Variants in PDS5B observed in about 807,000 individuals in gnomAD.
The protein encoded by PDS5B is sister chromatid cohesion protein PDS5 homolog B.
In PDS5B, 51 loss-of-function variants were observed where a neutral mutation model predicts 184.1. The ratio of observed to expected loss-of-function variants is 0.28; its 90% CI spans 0.22 to 0.35. The LOEUF is 0.35. Ranked by LOEUF, PDS5B falls within the 10% of genes least tolerant of loss-of-function variation. The probability of loss-of-function intolerance (pLI) is 1.00; values close to 1 mark genes in which losing one functional copy is unlikely to be tolerated. For missense variants in PDS5B, 1,180 were observed against 1,723.3 expected, an observed-to-expected ratio of 0.68 and a Z score of 5.58; for synonymous variants, 566 against 569.2, an observed-to-expected ratio of 0.99 and a Z score of 0.08.
intron 8 of PDS5B, among the ~76,000 whole-genome samples, chr13:32,674,938 C>G (rs982958013): frequency 7.1e-6 from 1 of 140,302 alleles, no homozygotes; most frequent in Non-Finnish European, 1.6e-5. Context: ...TTTTTTTGTT[C>G]TTCTTATTTT....
Position 32,770,375 on chromosome 13 carries a change from A to G in PDS5B, c.3879A>G (p.Pro1293=). ...SPPKKGKRGR[P]PKPLGGGTPK... ...CAAAAAAGGGTAAAAGAGGCCGACC[A>G]CCAAAACCTCTTGGTGGAGGTACAC... Residue 1293 remains proline, a synonymous_variant, in exon 32 of 35, where the codon CCA becomes CCG. Coordinates refer to ENST00000315596, the MANE Select transcript of PDS5B (RefSeq NM_015032.4). 6.2e-7 allele frequency: 1 copy of G among 1,613,676 alleles called. No individual in the cohort carries two copies. The highest frequency in any genetic ancestry group is 1.1e-5 in the South Asian group (1 of 90,986).
chr13:32,627,131 T>C (rs939179503), intron 1 of PDS5B, among the ~76,000 whole-genome samples: 1 of 152,226 alleles, frequency 6.6e-6, no homozygotes, highest in Non-Finnish European at 1.5e-5. Flanking sequence ...CTGATAAGCT[T>C]ACCTGGTGTC....
At chr13:32,767,031 A>G (rs889573167) in intron 31 of PDS5B, among the ~76,000 whole-genome samples, 1 of 152,192 alleles carries the variant, frequency 6.6e-6, no homozygotes, top group Non-Finnish European at 1.5e-5. Context: ...CTCTAAATAA[A>G]TAAAACAAAC....
At chr13:32,726,997 T>C (rs28637641) in intron 19 of PDS5B, among the ~76,000 whole-genome samples, 47,060 of 152,088 alleles carry the variant, frequency 0.31, 9,267 homozygotes, top group Non-Finnish European at 0.44. Context: ...TTGTTTGCTT[T>C]TATATTGGTT....
intron 31 of PDS5B, among the ~76,000 whole-genome samples, chr13:32,766,231 A>G (rs1343838360): frequency 6.6e-6 from 1 of 152,076 alleles, no homozygotes; most frequent in East Asian, 1.9e-4. Context: ...AGTGTACTAC[A>G]CTTATACCTT....
At chr13:32,711,508 C>T (rs1210513385) in intron 19 of PDS5B, among the ~76,000 whole-genome samples, 1 of 151,902 alleles carries the variant, frequency 6.6e-6, no homozygotes, top group Non-Finnish European at 1.5e-5. Flanking sequence ...CAGGCCTGCA[C>T]CACCACACCT....
chr13:32,655,381 T>A (rs1280389282), intron 3 of PDS5B, among the ~76,000 whole-genome samples: 22,542 of 79,690 alleles, frequency 0.28, 4,769 homozygotes, highest in Non-Finnish European at 0.38. Context: ...TATATTTTTT[T>A]TTTTTTTTTT....
chr13:32,632,652 G>T (rs1441295432), intron 1 of PDS5B, among the ~76,000 whole-genome samples: 1 of 152,200 alleles, frequency 6.6e-6, no homozygotes, highest in Non-Finnish European at 1.5e-5. Context: ...CTAGCTGTGT[G>T]CTGAAAAGAT....
At chr13:32,679,117 G>A (rs976268361) in intron 10 of PDS5B, among the ~76,000 whole-genome samples, 188 bp downstream of exon 10, 1 of 149,682 alleles carries the variant, frequency 6.7e-6, no homozygotes, top group Admixed American at 6.7e-5. Context: ...ACAAGGTCTC[G>A]CTATGTTGCC....
chr13:32,595,411 CCATTT>C (rs1304588670), intron 1 of PDS5B, among the ~76,000 whole-genome samples: 1 of 152,086 alleles, frequency 6.6e-6, no homozygotes, highest in African/African-American at 2.4e-5. Context: ...CATTCCTTCC[CCATTT>C]GCCTCATTCC....
At chr13:32,655,374 A>ATATATATTTTTTTTTTTTTTTTTT in intron 3 of PDS5B, among the ~76,000 whole-genome samples, 1 of 72,464 alleles carries the variant, frequency 1.4e-5, no homozygotes, top group Non-Finnish European at 2.2e-5. Context: ...ATATATATAT[A>ATATATATTTTTTTTTTTTTTTTTT]TTTTTTTTTT....
chr13:32,669,873 C>T (rs1031537612), intron 7 of PDS5B, among the ~76,000 whole-genome samples: 3 of 152,172 alleles, frequency 2.0e-5, no homozygotes, highest in African/African-American at 7.2e-5. Flanking sequence ...TCCTTTTTGT[C>T]TACTTATGTT....
intron 1 of PDS5B, among the ~76,000 whole-genome samples, chr13:32,603,347 T>A (rs958261128): frequency 6.6e-6 from 1 of 152,224 alleles, no homozygotes; most frequent in African/African-American, 2.4e-5. Flanking sequence ...ATTTATTAAA[T>A]AGGGATTCCT....
intron 3 of PDS5B, among the ~76,000 whole-genome samples, chr13:32,655,364 A>ATATATATATGTATATATATG (rs1450901684): frequency 1.8e-4 from 5 of 28,370 alleles, no homozygotes; most frequent in Admixed American, 5.1e-4. Context: ...TTTGCCATAT[A>ATATATATATGTATATATATG]TATATATATA....
At chr13:32,647,045 A>G (rs1950245965) in intron 1 of PDS5B, among the ~76,000 whole-genome samples, 1 of 152,126 alleles carries the variant, frequency 6.6e-6, no homozygotes, top group African/African-American at 2.4e-5. Flanking sequence ...ATTATTTTAA[A>G]TTTAACCCTG....
At chr13:32,747,373 T>A (rs556072874) in intron 24 of PDS5B, among the ~76,000 whole-genome samples, 108 of 152,240 alleles carry the variant, frequency 7.1e-4, no homozygotes, top group Non-Finnish European at 6.0e-4. Flanking sequence ...TATGTATAAC[T>A]CTCTAGACAC....
chr13:32,765,103 T>C (rs1954540925), intron 31 of PDS5B, among the ~76,000 whole-genome samples: 1 of 151,976 alleles, frequency 6.6e-6, no homozygotes, highest in South Asian at 2.1e-4. Context: ...ATAACTTGTA[T>C]GATAGACAGT....
At chr13:32,665,727 C>G (rs1180945109) in intron 6 of PDS5B, among the ~76,000 whole-genome samples, 2 of 150,064 alleles carry the variant, frequency 1.3e-5, no homozygotes, top group Non-Finnish European at 3.0e-5. Context: ...AAAATAAAAG[C>G]TATTTGTGGT....
At chr13:32,697,552 C>A (rs1462743226) in intron 15 of PDS5B, among the ~76,000 whole-genome samples, 2 of 152,276 alleles carry the variant, frequency 1.3e-5, no homozygotes, top group Admixed American at 6.5e-5. Context: ...CTGAAGATAA[C>A]AGTAAACCTA....
Sources: allele counts gnomAD v4.1 joint callset (sites outside exome capture counted in the v4.1 genomes callset), GRCh38; gene constraint gnomAD v4.1.1; transcripts MANE v1.5; gene names NCBI Gene and HGNC (gene_info 2026-07-23, HGNC 2026-07-21).